The following RFX7 variants were observed in gnomAD, a reference collection of about 807,000 sequenced individuals.
The protein encoded by RFX7 is regulatory factor X7.
RFX7 carries 26 observed loss-of-function variants against 111.8 expected under a neutral mutation model. That is an observed-to-expected ratio of 0.23 (90% CI 0.17 to 0.32). RFX7 has a LOEUF of 0.32. RFX7 is among the 10% of genes least tolerant of loss of function. The pLI is 1.00. For synonymous variants in RFX7, 624 were observed against 624.4 expected, an observed-to-expected ratio of 1.00 and a Z score of 0.01; for missense variants, 1,573 against 1,772.9, an observed-to-expected ratio of 0.89 and a Z score of 2.02.
At position 56,243,566 on chromosome 15, in the gene RFX7, C is replaced by T. The variant is rs1279891022; in HGVS notation, c.-124G>A. 2 of 939,078 alleles carry T rather than the reference C, an allele frequency of 2.1e-6. No homozygotes were observed. Among genetic ancestry groups the T allele is most frequent in the Non-Finnish European group, 2.5e-6 (2 of 789,830 alleles). 58.2% of individuals were successfully genotyped at this position (939,078 alleles called of 1,614,324 possible). On this transcript the variant is annotated 5_prime_UTR_variant, in exon 1 of 10. Transcript: ENST00000559447. The stretch of plus-strand genomic sequence containing the variant: ...GGCATGGCGGCGCCCCTCAGCCCCC[C>T]GCTGGCGCCGCCGCCTCCTCCCGTC...
Position 56,170,770 on chromosome 15 carries a change from A to G in RFX7, c.195+8500T>C, listed in dbSNP as rs550702798. Among the ~76,000 whole-genome samples the G allele has an allele frequency of 2.2e-4, 33 of 152,316 alleles. No individual in the cohort carries two copies. The Middle Eastern group carries it at 0.01, about 47-fold the overall frequency. On this transcript the variant is annotated intron_variant, in intron 3 of 9. Transcript: ENST00000559447. The stretch of plus-strand genomic sequence containing the variant: ...CTGATTACCATATTGAATAGTGCAT[A>G]TATGATATAAAACATTTCTACCACC...
rs759702727 is a variant in RFX7 at position 56,094,863 on chromosome 15, A to C, written c.2865T>G (p.Thr955=). 10 of 1,553,822 alleles carry C rather than the reference A, an allele frequency of 6.4e-6. No individual in the cohort carries two copies. The highest frequency in any genetic ancestry group is 4.1e-5 in the African/African-American group (3 of 73,604). ...GGGTTGGGGTTGGGGTTGGAGTAGG[A>C]GTGGGTGTGGGTGTGGGTGTGGGTG... ...IHTPTPTPTP[T]PTPTPTPTPT... is the part of the protein sequence containing the mutation. Residue 955 remains threonine (T), a synonymous_variant, in exon 10 of 10, where the codon ACT becomes ACG. Coordinates refer to ENST00000559447, the MANE Select transcript of RFX7 (RefSeq NM_022841.7).
At chr15:56,167,191 C>T (rs2042793294) in intron 3 of RFX7, among the ~76,000 whole-genome samples, 1 of 149,560 alleles carries the variant, frequency 6.7e-6, no homozygotes, top group Admixed American at 6.6e-5. Flanking sequence ...ACCTATAGTC[C>T]CAGCTTCTCA....
intron 5 of RFX7, among the ~76,000 whole-genome samples, chr15:56,134,462 CTATT>C (rs1336087818): frequency 6.6e-6 from 1 of 152,058 alleles, no homozygotes; most frequent in African/African-American, 2.4e-5. Flanking sequence ...GTATAGTACT[CTATT>C]AATTATCATT....
intron 3 of RFX7, among the ~76,000 whole-genome samples, chr15:56,152,741 T>C (rs1257212812): frequency 8.3e-5 from 11 of 133,316 alleles, no homozygotes; most frequent in Non-Finnish European, 1.7e-4. Flanking sequence ...AAAAAACCCT[T>C]CAAAAAAAAA....
intron 5 of RFX7, 46 bp downstream of exon 5, chr15:56,142,732 T>C (rs745476642): frequency 6.4e-7 from 1 of 1,562,640 alleles, no homozygotes; most frequent in African/African-American, 1.4e-5. Flanking sequence ...GTATAGTATT[T>C]TACCTCTTTA....
chr15:56,093,278 C>T lies in RFX7; in HGVS notation c.*67G>A. 1 of 1,343,732 alleles carries T rather than the reference C, an allele frequency of 7.4e-7. No homozygotes were observed. The allele number at this position is 1,343,732 out of a possible 1,614,324, so 83.2% of individuals were successfully genotyped here. A position where few individuals can be genotyped will look rare whatever the true frequency, so the allele number is the denominator to read the frequency against. ...AATAGTATTTCTGCTGCGGGAGGCA[C>T]TTCCATTAAGACAAATACAATACAT... On this transcript the variant is annotated 3_prime_UTR_variant, in exon 10 of 10. Coordinates refer to ENST00000559447, the MANE Select transcript of RFX7 (RefSeq NM_022841.7).
intron 5 of RFX7, among the ~76,000 whole-genome samples, chr15:56,141,411 T>C (rs1479436854): frequency 2.0e-5 from 3 of 151,822 alleles, no homozygotes; most frequent in East Asian, 1.9e-4. Flanking sequence ...AGAAACCTCA[T>C]ACATCTTCAA....
At chr15:56,241,101 C>A (rs1280059065) in intron 2 of RFX7, among the ~76,000 whole-genome samples, 2 of 151,836 alleles carry the variant, frequency 1.3e-5, no homozygotes, top group African/African-American at 4.8e-5. Flanking sequence ...TCATTAGATG[C>A]CAATAAGTGT....
chr15:56,147,506 C>G (rs1282625832), intron 3 of RFX7, among the ~76,000 whole-genome samples: 1 of 152,094 alleles, frequency 6.6e-6, no homozygotes, highest in African/African-American at 2.4e-5. Flanking sequence ...ACTTGTACAA[C>G]ACAGTTAATG....
intron 5 of RFX7, among the ~76,000 whole-genome samples, chr15:56,119,824 G>A (rs1403003718): frequency 6.6e-6 from 1 of 150,984 alleles, no homozygotes; most frequent in Non-Finnish European, 1.5e-5. Context: ...CACTGTAGAT[G>A]TATGAATTTG....
At chr15:56,113,285 A>T (rs756622198) in intron 5 of RFX7, among the ~76,000 whole-genome samples, 1 of 152,234 alleles carries the variant, frequency 6.6e-6, no homozygotes, top group Non-Finnish European at 1.5e-5. Flanking sequence ...GGATAAAGAA[A>T]ATGTACATAT....
chr15:56,226,056 G>A (rs72738694), intron 2 of RFX7, among the ~76,000 whole-genome samples: 19,793 of 151,954 alleles, frequency 0.13, 1,690 homozygotes, highest in East Asian at 0.44. Context: ...AAACAAAAAG[G>A]GGATGGAGAA....
chr15:56,108,187 T>A (rs1429149293), intron 5 of RFX7, among the ~76,000 whole-genome samples: 1 of 152,144 alleles, frequency 6.6e-6, no homozygotes, highest in African/African-American at 2.4e-5. Flanking sequence ...AAGGAAGGAC[T>A]CCTCCCTAAC....
At chr15:56,150,496 C>T (rs768520389) in intron 3 of RFX7, among the ~76,000 whole-genome samples, 9 of 152,088 alleles carry the variant, frequency 5.9e-5, no homozygotes, top group South Asian at 2.1e-4. Context: ...CTGCAGCCTC[C>T]GCTGGTGATA....
chr15:56,223,564 C>A (rs1271765981), intron 2 of RFX7, among the ~76,000 whole-genome samples: 1 of 152,146 alleles, frequency 6.6e-6, no homozygotes, highest in Non-Finnish European at 1.5e-5. Context: ...CCCATTACCC[C>A]ATTAAGGCTG....
At chr15:56,112,850 C>CAG (rs1271599918) in intron 5 of RFX7, among the ~76,000 whole-genome samples, 1 of 152,158 alleles carries the variant, frequency 6.6e-6, no homozygotes, top group African/African-American at 2.4e-5. Context: ...AGGACATAAA[C>CAG]AGACACTTCT....
intron 3 of RFX7, among the ~76,000 whole-genome samples, chr15:56,163,737 C>G (rs1440322888): frequency 1.3e-5 from 2 of 152,120 alleles, no homozygotes; most frequent in Admixed American, 6.6e-5. Context: ...TATCATTATT[C>G]TTTGTTATAT....
Position 56,094,858 on chromosome 15 carries a change from G to A in RFX7, c.2870C>T (p.Thr957Ile). 1 of 1,554,286 alleles carries A rather than the reference G, an allele frequency of 6.4e-7. No homozygotes were observed. The stretch of plus-strand genomic sequence containing the variant: ...TGTCGGGGTTGGGGTTGGGGTTGGA[G>A]TAGGAGTGGGTGTGGGTGTGGGTGT... ...TPTPTPTPTP[T>I]PTPTPTPTSE... Residue 957 changes from threonine (T) to isoleucine (I), a missense_variant, in exon 10 of 10, where the codon ACT (threonine) becomes ATT (isoleucine). Around this residue, in one of 7 missense-constraint regions of RFX7, gnomAD observed 625 missense variants for 632.2 expected, o/e 0.99. Coordinates refer to ENST00000559447, the MANE Select transcript of RFX7 (RefSeq NM_022841.7).
Sources: gnomAD v4.1 joint callset for allele counts (sites outside exome capture counted in the v4.1 genomes callset) on GRCh38, gnomAD v4.1.1 for gene constraint, gnomAD v4.1.1 regional missense constraint, MANE v1.5 for transcripts, NCBI Gene and HGNC (gene_info 2026-07-23, HGNC 2026-07-21) for gene names.